The following NELL2 variants were observed in gnomAD, a reference collection of about 807,000 sequenced individuals.
The protein encoded by NELL2 is neural EGFL like 2, also known as protein kinase C-binding protein NELL2.
NELL2 carries 41 observed loss-of-function variants against 109.6 expected under a neutral mutation model. That is an observed-to-expected ratio of 0.37 (90% confidence interval 0.29 to 0.49). The LOEUF is 0.49. Ranked by LOEUF, NELL2 falls within the 20% of genes least tolerant of loss-of-function variation. The pLI is 0.98. For missense variants in NELL2, 900 were observed against 1,008.3 expected, an observed-to-expected ratio of 0.89 and a Z score of 1.45; for synonymous variants, 355 against 344.7, an observed-to-expected ratio of 1.03 and a Z score of -0.33.
chr12:44,659,349 G>T (rs962265336), intron 13 of NELL2, among the ~76,000 whole-genome samples: 1 of 152,038 alleles, frequency 6.6e-6, no homozygotes, highest in Non-Finnish European at 1.5e-5. Context: ...GACAAATGGG[G>T]TCTAATTAAA....
intron 15 of NELL2, among the ~76,000 whole-genome samples, chr12:44,565,015 G>A (rs952445831): frequency 2.6e-5 from 4 of 152,072 alleles, no homozygotes; most frequent in East Asian, 3.9e-4. Flanking sequence ...TTACAAAAAT[G>A]GATATTTTTA....
intron 15 of NELL2, among the ~76,000 whole-genome samples, chr12:44,578,719 A>T (rs1383627537): frequency 2.0e-5 from 3 of 152,166 alleles, no homozygotes; most frequent in African/African-American, 7.2e-5. Flanking sequence ...ACAAAGTCAA[A>T]AAGAAAAATT....
chr12:44,698,441 T>C (rs898726060), intron 12 of NELL2, among the ~76,000 whole-genome samples: 1 of 152,208 alleles, frequency 6.6e-6, no homozygotes, highest in African/African-American at 2.4e-5. Flanking sequence ...AAGAAGGCAC[T>C]GTGAACACTC....
At chr12:44,525,217 G>T (rs751161562) in intron 16 of NELL2, among the ~76,000 whole-genome samples, 1 of 152,140 alleles carries the variant, frequency 6.6e-6, no homozygotes, top group Non-Finnish European at 1.5e-5. Context: ...TGTGTTATCA[G>T]ATAATACTTT....
At chr12:44,921,606 C>A (rs1291254213) in intron 1 of NELL2, among the ~76,000 whole-genome samples, 1 of 151,980 alleles carries the variant, frequency 6.6e-6, no homozygotes, top group Non-Finnish European at 1.5e-5. Flanking sequence ...ACAGTACAAG[C>A]AATAAGTATT....
chr12:44,689,572 C>T lies in NELL2; in HGVS notation c.1318+14154G>A, dbSNP rs1015281832. On this transcript the variant is annotated intron_variant, in intron 12 of 19. Transcript: ENST00000429094. ...TACATACATTTCTCTTCACCCTTGG[C>T]ATAAGCCCTCAAGAGAATCAAATAG... Among the ~76,000 whole-genome samples the T allele has an allele frequency of 5.3e-5, 8 of 152,194 alleles. No homozygotes were observed. In the East Asian group the frequency reaches 1.4e-3, roughly 26 times the overall value.
intron 12 of NELL2, among the ~76,000 whole-genome samples, chr12:44,683,744 A>C (rs1291550278): frequency 1.3e-5 from 2 of 152,208 alleles, no homozygotes; most frequent in Non-Finnish European, 2.9e-5. Flanking sequence ...GTATGTTGAA[A>C]CAGCCTTGCA....
At chr12:44,653,349 TA>T (rs1947368784) in intron 13 of NELL2, among the ~76,000 whole-genome samples, 1 of 152,128 alleles carries the variant, frequency 6.6e-6, no homozygotes, top group Non-Finnish European at 1.5e-5. Flanking sequence ...TAGTGGATAG[TA>T]GAAGAAGAAT....
At chr12:44,859,476 G>A (rs1476134941) in intron 2 of NELL2, among the ~76,000 whole-genome samples, 3 of 152,212 alleles carry the variant, frequency 2.0e-5, no homozygotes, top group African/African-American at 4.8e-5. Context: ...AGGAGGTGGA[G>A]GTTGCAGTGA....
At chr12:44,509,387 A>G (rs941954383) in intron 19 of NELL2, among the ~76,000 whole-genome samples, 1 of 152,188 alleles carries the variant, frequency 6.6e-6, no homozygotes, top group Non-Finnish European at 1.5e-5. Flanking sequence ...AAAAATTGTG[A>G]AAAGTGCTAG....
chr12:44,724,611 C>CA (rs1008762987), intron 9 of NELL2, among the ~76,000 whole-genome samples: 16 of 151,672 alleles, frequency 1.1e-4, no homozygotes, highest in African/African-American at 2.9e-4. Flanking sequence ...AGAGAAGACA[C>CA]AAAAAAATGG....
At chr12:44,854,759 G>T (rs1351166940) in intron 2 of NELL2, among the ~76,000 whole-genome samples, 2 of 151,744 alleles carry the variant, frequency 1.3e-5, no homozygotes, top group Non-Finnish European at 2.9e-5. Flanking sequence ...TGGGTGGATG[G>T]ATGACTGGAT....
Position 44,622,670 on chromosome 12 carries a change from C to A in NELL2, c.1445-11700G>T, listed in dbSNP as rs11182574. ...TGAATTTTAAGATATTAGATTTCCA[C>A]AGTTGGATCAGATACTACTTTCTGA... On this transcript the variant is annotated intron_variant, in intron 13 of 19. Coordinates refer to ENST00000429094, the MANE Select transcript of NELL2 (RefSeq NM_001145108.2). Among the ~76,000 whole-genome samples the A allele has an allele frequency of 1.2e-3, 183 of 152,220 alleles. 3 individuals are homozygous for A. The East Asian group carries it at 0.026, about 22-fold the overall frequency.
At chr12:44,918,458 C>T (rs770456362), upstream of NELL2, among the ~76,000 whole-genome samples, 1 of 151,614 alleles carries the variant, frequency 6.6e-6, no homozygotes, top group Non-Finnish European at 1.5e-5. Context: ...TTGTATTACT[C>T]ACTTGACCCC....
chr12:44,872,457 ATATTTCCATTTGTTTT>A (rs1945191291), intron 2 of NELL2, among the ~76,000 whole-genome samples: 1 of 152,180 alleles, frequency 6.6e-6, no homozygotes, highest in Non-Finnish European at 1.5e-5. Flanking sequence ...ACTTTAAAAT[ATATTTCCATTTGTTTT>A]TATTAGGTAT....
At chr12:44,682,718 C>A (rs1948561932) in intron 12 of NELL2, among the ~76,000 whole-genome samples, 1 of 152,156 alleles carries the variant, frequency 6.6e-6, no homozygotes, top group African/African-American at 2.4e-5. Context: ...TGTCAAAGAT[C>A]AGATAGTTGC....
intron 2 of NELL2, among the ~76,000 whole-genome samples, chr12:44,869,679 T>C (rs1945108064): frequency 6.6e-6 from 1 of 152,194 alleles, no homozygotes; most frequent in African/African-American, 2.4e-5. Flanking sequence ...AGGGGATCTA[T>C]GAGTCATATG....
At chr12:44,631,241 A>T (rs1946447198) in intron 13 of NELL2, among the ~76,000 whole-genome samples, 1 of 147,702 alleles carries the variant, frequency 6.8e-6, no homozygotes, top group African/African-American at 2.4e-5. Context: ...TATAAATAAT[A>T]TATATAAATA....
At chr12:44,856,934 T>C (rs1168046102) in intron 2 of NELL2, among the ~76,000 whole-genome samples, 1 of 152,134 alleles carries the variant, frequency 6.6e-6, no homozygotes, top group African/African-American at 2.4e-5. Context: ...AGGAGGCTAC[T>C]GCAGTAATCC....
Sources: allele counts gnomAD v4.1 joint callset (sites outside exome capture counted in the v4.1 genomes callset), GRCh38; gene constraint gnomAD v4.1.1; transcripts MANE v1.5; gene names NCBI Gene and HGNC (gene_info 2026-07-23, HGNC 2026-07-21).